CBLB: variants seen among roughly 807,000 people sequenced by gnomAD.
CBLB encodes the protein E3 ubiquitin-protein ligase CBL-B.
Under a neutral mutation model 104.9 loss-of-function variants are expected in CBLB, and 31 were observed. That is an observed-to-expected ratio of 0.30 (90% CI 0.22 to 0.40). The LOEUF is 0.40. CBLB is among the 10% of genes least tolerant of loss of function. The pLI, the probability that CBLB is intolerant of heterozygous loss-of-function variation, is 1.00. For synonymous variants in CBLB, 440 were observed against 422.6 expected (o/e 1.04, Z -0.51); for missense variants, 1,062 against 1,214.6 (o/e 0.87, Z 1.87).
Position 105,867,422 on chromosome 3 carries a change from G to A in CBLB, c.156C>T (p.Leu52=). ...DRRTVEKTWK[L]MDKVVRLCQN... ...AGACAGAACTTACCACTTTGTCCAT[G>A]AGCTTCCAAGTCTTCTCCACGGTCC... Residue 52 remains leucine (L), a synonymous_variant, in exon 2 of 19, where the codon CTC becomes CTT. Transcript: ENST00000394030. The A allele has an allele frequency of 6.2e-7, 1 of 1,614,194 alleles. No individual in the cohort carries two copies. The highest frequency in any genetic ancestry group is 8.5e-7 in the Non-Finnish European group (1 of 1,180,014).
intron 3 of CBLB, among the ~76,000 whole-genome samples, chr3:105,845,269 A>G (rs1190528314): frequency 6.6e-6 from 1 of 151,820 alleles, no homozygotes; most frequent in Non-Finnish European, 1.5e-5. Context: ...TCCAAATATC[A>G]TATGTGCATA....
intron 4 of CBLB, among the ~76,000 whole-genome samples, chr3:105,772,198 C>A (rs558688113): frequency 6.6e-6 from 1 of 152,068 alleles, no homozygotes; most frequent in Non-Finnish European, 1.5e-5. Flanking sequence ...TGGAACAGAA[C>A]AGAGAACCCA....
At chr3:105,846,873 T>C (rs1017584366) in intron 3 of CBLB, among the ~76,000 whole-genome samples, 4 of 152,094 alleles carry the variant, frequency 2.6e-5, no homozygotes, top group African/African-American at 9.7e-5. Context: ...TCAATCTCTT[T>C]ATATGGTAAA....
At chr3:105,783,253 A>G (rs6780015) in intron 3 of CBLB, among the ~76,000 whole-genome samples, 18,009 of 133,664 alleles carry the variant, frequency 0.13, 1,133 homozygotes, top group East Asian at 0.29. Flanking sequence ...TACATAAGAC[A>G]TGTAGGTAAG....
chr3:105,771,606 T>C (rs2078882274), intron 4 of CBLB, among the ~76,000 whole-genome samples: 1 of 152,114 alleles, frequency 6.6e-6, no homozygotes, highest in African/African-American at 2.4e-5. Flanking sequence ...CATCATTCAC[T>C]GATGATATGA....
chr3:105,862,957 C>T (rs1023144171), intron 2 of CBLB, among the ~76,000 whole-genome samples: 2 of 152,154 alleles, frequency 1.3e-5, no homozygotes, highest in African/African-American at 4.8e-5. Flanking sequence ...TACCTTAAAG[C>T]ACTTACTACA....
intron 9 of CBLB, among the ~76,000 whole-genome samples, chr3:105,731,714 A>G (rs1299645874): frequency 6.6e-6 from 1 of 152,060 alleles, no homozygotes; most frequent in Non-Finnish European, 1.5e-5. Context: ...CAGCCTCCCA[A>G]AGTACTGGGA....
At chr3:105,861,680 CACATACACACACACACACACACACACAT>C (rs1208690885) in intron 2 of CBLB, among the ~76,000 whole-genome samples, 5 of 138,420 alleles carry the variant, frequency 3.6e-5, no homozygotes, top group Non-Finnish European at 6.2e-5. Context: ...GGTGTGTGCA[CACATACACACACACACACACACACACAT>C]ACATACACAC....
chr3:105,700,693 A>G lies in CBLB; in HGVS notation c.1959+1401T>C, dbSNP rs374524075. ...ATTTATAATAGATGAGACTGAAGGT[A>G]CCAAGGTGAGTCACCAGCAAAGAGT... On this transcript the variant is annotated intron_variant, in intron 12 of 18. Coordinates refer to ENST00000394030, the MANE Select transcript of CBLB (RefSeq NM_170662.5). Among the ~76,000 whole-genome samples, 14 of 152,348 alleles carry G rather than the reference A, an allele frequency of 9.2e-5. No homozygotes were observed. In the South Asian group the frequency reaches 2.9e-3, roughly 32 times the overall value.
intron 13 of CBLB, among the ~76,000 whole-genome samples, chr3:105,692,553 A>C (rs1285059783): frequency 6.6e-6 from 1 of 152,142 alleles, no homozygotes; most frequent in Non-Finnish European, 1.5e-5. Context: ...AATCTCACAA[A>C]GTCAGAAAAA....
chr3:105,709,890 A>G (rs1191856535), intron 10 of CBLB, among the ~76,000 whole-genome samples: 1 of 151,928 alleles, frequency 6.6e-6, no homozygotes, highest in Non-Finnish European at 1.5e-5. Context: ...ACAAAACTCA[A>G]ATGCAAAGAA....
intron 4 of CBLB, among the ~76,000 whole-genome samples, chr3:105,763,302 T>G (rs1219967980): frequency 2.6e-5 from 4 of 152,178 alleles, no homozygotes; most frequent in Admixed American, 6.5e-5. Context: ...TGCGAAGGCA[T>G]GATTGTGTCT....
chr3:105,684,638 C>T lies in CBLB; in HGVS notation c.2201+682G>A, dbSNP rs531381131. ...CACAATCTCGGCTCACTGCAACCTC[C>T]GCCTCCCGGGTTCAAGCGATTCTCC... On this transcript the variant is annotated intron_variant, in intron 14 of 18. Coordinates refer to ENST00000394030, the MANE Select transcript of CBLB (RefSeq NM_170662.5). 2.8e-3 allele frequency among the ~76,000 whole-genome samples: 426 copies of T among 152,018 alleles called. 1 individual carries two copies. The highest frequency in any genetic ancestry group is 5.1e-3 in the Non-Finnish European group (346 of 67,958).
At chr3:105,777,443 C>T (rs1054842261) in intron 3 of CBLB, among the ~76,000 whole-genome samples, 2 of 152,112 alleles carry the variant, frequency 1.3e-5, no homozygotes, top group Admixed American at 1.3e-4. Context: ...TGAGACCAGC[C>T]TCGGCAACAT....
intron 9 of CBLB, among the ~76,000 whole-genome samples, chr3:105,725,186 A>G (rs2152837516): frequency 6.6e-6 from 1 of 152,336 alleles, no homozygotes; most frequent in Non-Finnish European, 1.5e-5. Context: ...CAGCTCTTTA[A>G]CAGGAAGACA....
chr3:105,738,759 G>C (rs988120116), intron 7 of CBLB, among the ~76,000 whole-genome samples: 5 of 151,838 alleles, frequency 3.3e-5, no homozygotes, highest in South Asian at 2.1e-4. Context: ...TATACACAAA[G>C]CTTTGATGCA....
chr3:105,832,024 T>C (rs181668422), intron 3 of CBLB, among the ~76,000 whole-genome samples: 235 of 152,022 alleles, frequency 1.5e-3, no homozygotes, highest in African/African-American at 4.9e-3. Flanking sequence ...CAACAGGAAA[T>C]TTTAAAAAAA....
At chr3:105,730,226 T>C (rs10490830) in intron 9 of CBLB, among the ~76,000 whole-genome samples, 2 of 151,770 alleles carry the variant, frequency 1.3e-5, no homozygotes, top group Non-Finnish European at 2.9e-5. Context: ...TAAAATAACA[T>C]GGTTCAAGAA....
At chr3:105,739,710 A>C (rs967377919) in intron 7 of CBLB, among the ~76,000 whole-genome samples, 1 of 152,204 alleles carries the variant, frequency 6.6e-6, no homozygotes, top group African/African-American at 2.4e-5. Flanking sequence ...AGTTATTATT[A>C]GTGTGAAAAA....
Sources: gnomAD v4.1 joint callset for allele counts (sites outside exome capture counted in the v4.1 genomes callset) on GRCh38, gnomAD v4.1.1 for gene constraint, MANE v1.5 for transcripts, NCBI Gene and HGNC (gene_info 2026-07-23, HGNC 2026-07-21) for gene names.